Variants in PCDHGA11 observed in about 807,000 individuals in gnomAD.
The protein encoded by PCDHGA11 is protocadherin gamma-A11.
PCDHGA11 carries 39 observed loss-of-function variants against 60.4 expected under a neutral mutation model. The observed-to-expected ratio is 0.65, with a 90% CI of 0.50 to 0.84. PCDHGA11 has a LOEUF of 0.84. Ranked by LOEUF, PCDHGA11 falls within the 40% of genes least tolerant of loss-of-function variation. The pLI is 0.00. For missense variants in PCDHGA11, 1,165 were observed against 1,197.7 expected (o/e 0.97, Z 0.40); for synonymous variants, 533 against 510.3 (o/e 1.04, Z -0.60).
chr5:141,428,430 GA>G, intron 1 of PCDHGA11: 1 of 421,748 alleles, frequency 2.4e-6, no homozygotes. Flanking sequence ...TCTGTTCTAA[GA>G]CTAGACCAGG....
chr5:141,431,571 A>T lies in PCDHGA11; in HGVS notation c.2433+7911A>T, dbSNP rs781289120. 1.2e-6 allele frequency: 2 copies of T among 1,614,026 alleles called. No homozygotes were observed. Among genetic ancestry groups the T allele is most frequent in the African/African-American group, 1.3e-5 (1 of 74,938 alleles). On this transcript the variant is annotated intron_variant, in intron 1 of 3. Coordinates refer to ENST00000398587, the MANE Select transcript of PCDHGA11 (RefSeq NM_018914.3). This position sits in a 1 kb window ranked among gnomAD's most constrained non-coding sequence, Gnocchi z 4.8. ...GTAGTCAACGCTACCGACCCTGACG[A>T]AGGAGTCAATGCGGAAGTGAGGTAT...
In PCDHGA11 at chr5:141,423,489, T is replaced by C. The variant is rs764165685; in HGVS notation, c.2262T>C (p.Tyr754=). The change falls in exon 1 of 4, where the codon TAT becomes TAC. Residue 754 remains tyrosine (Y), a synonymous_variant. Coordinates refer to ENST00000398587, the MANE Select transcript of PCDHGA11 (RefSeq NM_018914.3). ...VDGVQAFLQT[Y]SHEVSLIADS... Reference sequence around the variant, plus strand: ...GGGTACAGGCTTTCCTGCAAACCTATTCCCACGAGGTCTCTCTCATTGCGG... The same window carrying C: ...GGGTACAGGCTTTCCTGCAAACCTACTCCCACGAGGTCTCTCTCATTGCGG... 6.2e-7 allele frequency: 1 copy of C among 1,614,016 alleles called. No individual in the cohort carries two copies. The highest frequency in any genetic ancestry group is 1.1e-5 in the South Asian group (1 of 91,076).
At position 141,432,643 on chromosome 5, in the gene PCDHGA11, G is replaced by A. The variant is rs2097523971; in HGVS notation, c.2433+8983G>A. 15 of 1,613,754 alleles carry A rather than the reference G, an allele frequency of 9.3e-6. No homozygotes were observed. Among genetic ancestry groups the A allele is most frequent in the East Asian group, 4.5e-5 (2 of 44,860 alleles). ...GTCTGCACACGGGCGAGGTGCGCAC[G>A]GCGCGAGCCCTGCTGGACAGAGACG... On this transcript the variant is annotated intron_variant, in intron 1 of 3. Coordinates refer to ENST00000398587, the MANE Select transcript of PCDHGA11 (RefSeq NM_018914.3). This position sits in a 1 kb window ranked among gnomAD's most constrained non-coding sequence, Gnocchi z 6.0.
At chr5:141,427,584 A>G in intron 1 of PCDHGA11, 1 of 674,672 alleles carries the variant, frequency 1.5e-6, no homozygotes, top group Non-Finnish European at 2.7e-6. Context: ...CTCATCCAGC[A>G]CAAGCCTCAC....
At chr5:141,433,031 T>G (rs2097561851) in intron 1 of PCDHGA11, 2 of 1,614,088 alleles carry the variant, frequency 1.2e-6, no homozygotes, top group Non-Finnish European at 8.5e-7. Flanking sequence ...CCACGAGGTT[T>G]CCCTCACCAC....
chr5:141,429,330 T>C (rs2097204620), intron 1 of PCDHGA11, among the ~76,000 whole-genome samples: 1 of 152,188 alleles, frequency 6.6e-6, no homozygotes, highest in East Asian at 1.9e-4. Flanking sequence ...CTTTAATCCA[T>C]TAACTATAAA....
chr5:141,485,408 T>C lies in PCDHGA11; in HGVS notation c.2434-9399T>C. On this transcript the variant is annotated intron_variant, in intron 1 of 3. Transcript: ENST00000398587. The surrounding 1 kb of genome is among the most constrained non-coding windows in gnomAD (Gnocchi z 5.7). ...GAACCAAAGACACTTCCGTGTGGAT[T>C]TGGACAGCGGAGCCCTGCTCATCAA... 1 of 1,614,112 alleles carries C rather than the reference T, an allele frequency of 6.2e-7. No individual in the cohort carries two copies. Among genetic ancestry groups the C allele is most frequent in the Non-Finnish European group, 8.5e-7 (1 of 1,180,034 alleles).
In PCDHGA11 at chr5:141,421,572, G is replaced by T; in HGVS notation, c.345G>T (p.Leu115Phe). Residue 115 changes from leucine to phenylalanine, a missense_variant, in exon 1 of 4, where the codon TTG (leucine) becomes TTT (phenylalanine). Transcript: ENST00000398587. ...TGGAACTTCTCGTGGAAGACACCTT[G>T]AAGATTTACGGAGTGGAGGTGGAAA... ...LNMELLVEDT[L>F]KIYGVEVEII... The T allele has an allele frequency of 6.2e-7, 1 of 1,613,954 alleles. No homozygotes were observed. Among genetic ancestry groups the T allele is most frequent in the Admixed American group, 1.7e-5 (1 of 60,026 alleles).
At chr5:141,488,872 T>C (rs773185475) in intron 1 of PCDHGA11, among the ~76,000 whole-genome samples, 4 of 151,794 alleles carry the variant, frequency 2.6e-5, no homozygotes, top group Non-Finnish European at 5.9e-5. Flanking sequence ...AGTGGGGAGG[T>C]AGGAAGCTTC....
chr5:141,441,359 G>T (rs932747576), intron 1 of PCDHGA11: 1 of 152,522 alleles, frequency 6.6e-6, no homozygotes, highest in Non-Finnish European at 1.5e-5. Flanking sequence ...TGTAACAAAT[G>T]GGGCCGTGGA....
At chr5:141,450,293 G>A (rs879439714) in intron 1 of PCDHGA11, among the ~76,000 whole-genome samples, 6 of 151,746 alleles carry the variant, frequency 4.0e-5, no homozygotes, top group Non-Finnish European at 7.4e-5. Flanking sequence ...GATTACAGGC[G>A]TGAGCCACCA....
intron 1 of PCDHGA11, among the ~76,000 whole-genome samples, chr5:141,484,160 T>C (rs1451052819): frequency 2.6e-5 from 4 of 152,210 alleles, no homozygotes; most frequent in African/African-American, 7.2e-5. Flanking sequence ...CACAATGCTG[T>C]TGGTAGCTGA....
At chr5:141,471,079 C>T (rs1169560328) in intron 1 of PCDHGA11, among the ~76,000 whole-genome samples, 1 of 145,256 alleles carries the variant, frequency 6.9e-6, no homozygotes, top group African/African-American at 2.5e-5. Context: ...GACAGGGTCT[C>T]CCTCTGTTGT....
rs2099710219 is a variant in PCDHGA11, at chr5:141,491,289, C to A, written c.2434-3518C>A. On this transcript the variant is annotated intron_variant, in intron 1 of 3. Transcript: ENST00000398587. The surrounding 1 kb of genome is among the most constrained non-coding windows in gnomAD (Gnocchi z 6.9). The stretch of plus-strand genomic sequence containing the variant: ...CCAAATCCAGTGACTTCCTCATACA[C>A]CCTCCTGAGCGTTCAGACCTTACCC... 1 of 1,614,112 alleles carries A rather than the reference C, an allele frequency of 6.2e-7. No homozygotes were observed. Among genetic ancestry groups the A allele is most frequent in the Non-Finnish European group, 8.5e-7 (1 of 1,179,942 alleles).
At chr5:141,445,490 C>A (rs1181158971) in intron 1 of PCDHGA11, among the ~76,000 whole-genome samples, 1 of 152,134 alleles carries the variant, frequency 6.6e-6, no homozygotes, top group African/African-American at 2.4e-5. Flanking sequence ...AGTTAATGGG[C>A]CCTATTCTAA....
At chr5:141,480,398 G>C (rs2099518275) in intron 1 of PCDHGA11, among the ~76,000 whole-genome samples, 1 of 149,050 alleles carries the variant, frequency 6.7e-6, no homozygotes, top group Non-Finnish European at 1.5e-5. Context: ...CATGGCAATA[G>C]AGTGAGACCC....
At chr5:141,442,701 A>AG (rs1388473196) in intron 1 of PCDHGA11, among the ~76,000 whole-genome samples, 5 of 152,258 alleles carry the variant, frequency 3.3e-5, no homozygotes, top group Non-Finnish European at 7.3e-5. Flanking sequence ...AGACAAGAGT[A>AG]TCAGACATGC....
At position 141,433,358 on chromosome 5, in the gene PCDHGA11, C is replaced by CTATCTAT. The variant is rs2097585632; in HGVS notation, c.2433+9698_2433+9699insTATCTAT. ...ACAGGTGCAAGCCACCTACTGTCTG[C>CTATCTAT]CTATCTATCTATCTATCTATCTATC... On this transcript the variant is annotated intron_variant, in intron 1 of 3. Coordinates refer to ENST00000398587, the MANE Select transcript of PCDHGA11 (RefSeq NM_018914.3). 11 of 503,932 alleles carry CTATCTAT rather than the reference C, an allele frequency of 2.2e-5. No individual in the cohort carries two copies. The African/African-American group carries it at 2.3e-4, about 10-fold the overall frequency. The allele number at this position is 503,932 out of a possible 1,614,324, so 31.2% of individuals were successfully genotyped here.
rs746487145 is a variant in PCDHGA11 at position 141,505,415 on chromosome 5, G to A, written c.2515G>A (p.Gly839Ser). 7.4e-6 allele frequency: 12 copies of A among 1,614,074 alleles called. No individual in the cohort carries two copies. The East Asian group carries it at 1.3e-4, about 18-fold the overall frequency. Residue 839 changes from glycine to serine, a missense_variant, in exon 3 of 4, where the codon GGC (glycine) becomes AGC (serine). Gly to Ser is a moderately conservative substitution (Grantham distance 56, BLOSUM62 0). Coordinates refer to ENST00000398587, the MANE Select transcript of PCDHGA11 (RefSeq NM_018914.3). ...CAGCTCCCAAAATGGCGATGACACC[G>A]GCACCTGGCCCAACAACCAGTTTGA... ...TSGSQNGDDT[G>S]TWPNNQFDTE...
Sources: gnomAD v4.1 joint callset for allele counts (sites outside exome capture counted in the v4.1 genomes callset) on GRCh38, gnomAD v4.1.1 for gene constraint, Gnocchi (gnomAD v3.1) non-coding constraint, MANE v1.5 for transcripts, NCBI Gene and HGNC (gene_info 2026-07-23, HGNC 2026-07-21) for gene names.